Variants in AHI1 observed in about 807,000 individuals in gnomAD.
AHI1 encodes the protein Abelson helper integration site 1.
A neutral mutation model predicts 149.3 loss-of-function variants in AHI1; 123 were observed. The ratio of observed to expected loss-of-function variants is 0.82; its 90% CI spans 0.71 to 0.96. AHI1 has a LOEUF of 0.96. Among genes scored for constraint, AHI1 ranks in the 40% least tolerant of loss-of-function variants. AHI1 has a pLI of 0.00. For missense variants in AHI1, 1,439 were observed against 1,422.7 expected, an observed-to-expected ratio of 1.01 and a Z score of -0.18; for synonymous variants, 475 against 459.8, an observed-to-expected ratio of 1.03 and a Z score of -0.42.
At chr6:135,387,743 T>C (rs1562641071) in intron 23 of AHI1, 2 of 1,166,594 alleles carry the variant, frequency 1.7e-6, no homozygotes, top group African/African-American at 1.6e-5. Flanking sequence ...AAACAAACTG[T>C]ATAATTTCAA....
chr6:135,305,308 GGTT>G (rs1784415093), intron 26 of AHI1: 1 of 152,156 alleles, frequency 6.6e-6, no homozygotes, highest in Admixed American at 6.5e-5. Flanking sequence ...ACTTAGCAAT[GGTT>G]AGTTTTCAGC....
At chr6:135,343,183 T>C (rs1481911821) in intron 24 of AHI1, among the ~76,000 whole-genome samples, 1 of 151,850 alleles carries the variant, frequency 6.6e-6, no homozygotes, top group African/African-American at 2.4e-5. Flanking sequence ...TAATGAACAA[T>C]CTGAACATAA....
At chr6:135,336,265 G>A (rs192057403) in intron 24 of AHI1, among the ~76,000 whole-genome samples, 2 of 151,984 alleles carry the variant, frequency 1.3e-5, no homozygotes, top group East Asian at 3.9e-4. Flanking sequence ...CATTATAGCT[G>A]TCATAATGTC....
chr6:135,372,790 T>C (rs1775263774), intron 23 of AHI1, among the ~76,000 whole-genome samples: 1 of 152,150 alleles, frequency 6.6e-6, no homozygotes, highest in African/African-American at 2.4e-5. Flanking sequence ...ATTCCTAAGG[T>C]CATATAACTA....
At chr6:135,293,320 C>A (rs535622628) in intron 27 of AHI1, among the ~76,000 whole-genome samples, 2 of 128,692 alleles carry the variant, frequency 1.6e-5, no homozygotes, top group Admixed American at 1.9e-4. Context: ...TGATCAGGAA[C>A]AAGACAAGAA....
chr6:135,480,550 T>C (rs902974740), intron 5 of AHI1, among the ~76,000 whole-genome samples: 1 of 152,236 alleles, frequency 6.6e-6, no homozygotes, highest in African/African-American at 2.4e-5. Context: ...GTCTGAACAT[T>C]TGTCCTCTCA....
At chr6:135,429,189 T>A (rs1026924674) in intron 18 of AHI1, among the ~76,000 whole-genome samples, 1 of 151,724 alleles carries the variant, frequency 6.6e-6, no homozygotes, top group African/African-American at 2.4e-5. Context: ...CAAGGAATAT[T>A]TGATCTCTGA....
chr6:135,302,832 GC>G (rs1002607371), intron 26 of AHI1: 6 of 1,288,490 alleles, frequency 4.7e-6, no homozygotes, highest in Non-Finnish European at 5.1e-6. Context: ...AAACGAAAAA[GC>G]CCCCAAGGCT....
intron 27 of AHI1, chr6:135,297,618 A>G (rs1783274467): frequency 2.3e-6 from 1 of 427,572 alleles, no homozygotes; most frequent in African/African-American, 2.0e-5. Flanking sequence ...CAATGCATCT[A>G]GCTCACTGCT....
intron 23 of AHI1, among the ~76,000 whole-genome samples, chr6:135,366,371 T>C (rs897868868): frequency 6.6e-6 from 1 of 152,204 alleles, no homozygotes; most frequent in Non-Finnish European, 1.5e-5. Flanking sequence ...GTAACAATTC[T>C]TCTTTGAATG....
At chr6:135,326,556 C>T (rs1277227479) in intron 24 of AHI1, among the ~76,000 whole-genome samples, 1 of 151,816 alleles carries the variant, frequency 6.6e-6, no homozygotes, top group Non-Finnish European at 1.5e-5. Context: ...ACACTGTACC[C>T]CACAGGTAAT....
chr6:135,438,419 T>G lies in AHI1; in HGVS notation c.1992A>C (p.Lys664Asn), dbSNP rs769531564. Reference protein sequence around the residue: ...LNIIYDLSWSKDDHYILTSSS... With the variant: ...LNIIYDLSWSNDDHYILTSSS... ...ATGAAGTAAGGATGTAGTGATCATC[T>G]TTTGACCAGGAAAGATCATAAATGA... The change falls in exon 15 of 29, where the codon AAA becomes AAC. Residue 664 changes from lysine (K) to asparagine (N), a missense_variant. By Grantham distance (94) the Lys-to-Asn change is moderately conservative. Transcript: ENST00000265602. 7.0e-6 allele frequency: 11 copies of G among 1,572,320 alleles called. No homozygotes were observed. The East Asian group carries it at 2.3e-4, about 33-fold the overall frequency.
intron 23 of AHI1, among the ~76,000 whole-genome samples, chr6:135,393,850 G>A (rs769877421): frequency 8.6e-5 from 13 of 151,976 alleles, no homozygotes; most frequent in Non-Finnish European, 1.3e-4. Context: ...CAAATGAAGA[G>A]TCTAAGGTTT....
intron 24 of AHI1, among the ~76,000 whole-genome samples, chr6:135,345,271 C>T (rs967942150): frequency 1.3e-5 from 2 of 152,136 alleles, no homozygotes; most frequent in African/African-American, 4.8e-5. Context: ...GACAGTTCCT[C>T]AGAAGGTTAA....
intron 23 of AHI1, among the ~76,000 whole-genome samples, chr6:135,372,808 C>A (rs576163622): frequency 6.6e-6 from 1 of 152,206 alleles, no homozygotes; most frequent in Non-Finnish European, 1.5e-5. Context: ...CTAAAAGCAG[C>A]AGTACCTGGA....
chr6:135,355,902 A>AAAC (rs1792889636), intron 24 of AHI1, among the ~76,000 whole-genome samples: 1 of 151,308 alleles, frequency 6.6e-6, no homozygotes, highest in Non-Finnish European at 1.5e-5. Flanking sequence ...CTGTCTCAAA[A>AAAC]AAACAAACAA....
rs1451324214 is a variant in AHI1, at chr6:135,358,191, T to C, written c.3110-4A>G. ...TTTCTTTCTATGCTGATAATCCCTG[T>C]GGAAAGAAAACATTGTGAGTATTTG... On this transcript the variant is annotated splice_polypyrimidine_tract_variant and splice_region_variant and intron_variant, in intron 23 of 28. Coordinates refer to ENST00000265602, the MANE Select transcript of AHI1 (RefSeq NM_001134831.2). 6.2e-7 allele frequency: 1 copy of C among 1,611,254 alleles called. No individual in the cohort carries two copies.
chr6:135,387,503 C>T (rs542734776), intron 23 of AHI1, among the ~76,000 whole-genome samples: 52 of 152,250 alleles, frequency 3.4e-4, no homozygotes, highest in Admixed American at 9.8e-4. Flanking sequence ...GGGTGGTACT[C>T]GTGTAGAAAG....
In AHI1 at chr6:135,432,767, A is replaced by T. The variant is rs79181598; in HGVS notation, c.2266+260T>A. Among the ~76,000 whole-genome samples, 3,703 of 152,320 alleles carry T rather than the reference A, an allele frequency of 0.024. 65 individuals carry two copies. The highest frequency in any genetic ancestry group is 0.054 in the East Asian group (281 of 5,188). ...GTAAGAATGATAATCACCAGTTCAA[A>T]GAAATATATTTATGCAATTTGGCAC... On this transcript the variant is annotated intron_variant, in intron 16 of 28. Transcript: ENST00000265602.
Sources: allele counts gnomAD v4.1 joint callset (sites outside exome capture counted in the v4.1 genomes callset), GRCh38; gene constraint gnomAD v4.1.1; transcripts MANE v1.5; gene names NCBI Gene and HGNC (gene_info 2026-07-23, HGNC 2026-07-21).